Variants in CAPN2 observed in about 807,000 individuals in gnomAD.
CAPN2 encodes calpain-2 catalytic subunit.
Under a neutral mutation model 102.3 loss-of-function variants are expected in CAPN2, and 92 were observed. The ratio of observed to expected loss-of-function variants is 0.90; its 90% confidence interval spans 0.76 to 1.07. CAPN2 has a LOEUF of 1.07. CAPN2 is among the 50% of genes least tolerant of loss of function. CAPN2 has a pLI of 0.00. For missense variants in CAPN2, 800 were observed against 909.4 expected, an observed-to-expected ratio of 0.88 and a Z score of 1.55; for synonymous variants, 340 against 355.4, an observed-to-expected ratio of 0.96 and a Z score of 0.49.
intron 2 of CAPN2, among the ~76,000 whole-genome samples, chr1:223,729,954 A>G (rs1315515094): frequency 1.4e-5 from 2 of 138,112 alleles, no homozygotes; most frequent in Non-Finnish European, 3.1e-5. Flanking sequence ...GTGAGCCAGG[A>G]TTGCACCACT....
chr1:223,719,831 TGC>T (rs957997501), intron 2 of CAPN2, among the ~76,000 whole-genome samples: 136 of 96,780 alleles, frequency 1.4e-3, no homozygotes, highest in African/African-American at 2.4e-3. Context: ...TGTGTGTGTG[TGC>T]GCGCGCGCGC....
chr1:223,751,905 A>T, intron 7 of CAPN2, 92 bp from the exon 8 acceptor site: 1 of 788,048 alleles, frequency 1.3e-6, no homozygotes, highest in Non-Finnish European at 2.1e-6. Flanking sequence ...GAGCCCTCAG[A>T]GGTGAGAGCA....
chr1:223,771,796 C>G lies in CAPN2; in HGVS notation c.1904-13C>G, dbSNP rs16842168. 5.3e-3 allele frequency: 8,201 copies of G among 1,543,094 alleles called. 333 individuals carry two copies. In the African/African-American group the frequency reaches 0.096, roughly 18 times the overall value. ...ATGCTTAGCAATGAGTTTGTTTGTTCATGTAACTTCAGGTTTCAAGATGCC... is the reference window on the plus strand; with the variant it reads ...ATGCTTAGCAATGAGTTTGTTTGTTGATGTAACTTCAGGTTTCAAGATGCC... On this transcript the variant is annotated splice_polypyrimidine_tract_variant and intron_variant, in intron 18 of 20. Transcript: ENST00000295006.
chr1:223,763,103 G>A (rs954851276), intron 14 of CAPN2, among the ~76,000 whole-genome samples: 2 of 151,644 alleles, frequency 1.3e-5, no homozygotes, highest in African/African-American at 2.4e-5. Context: ...AATTACGGGT[G>A]TGAGCCACCA....
At chr1:223,763,924 G>A (rs1661247762) in intron 14 of CAPN2, among the ~76,000 whole-genome samples, 1 of 152,136 alleles carries the variant, frequency 6.6e-6, no homozygotes. Context: ...CAGCCTGGGT[G>A]TTCTAAAAAG....
In CAPN2 at chr1:223,759,177, A is replaced by G. The variant is rs28370113; in HGVS notation, c.1318-93A>G. On this transcript the variant is annotated intron_variant, in intron 11 of 20. Transcript: ENST00000295006. This position sits in a 1 kb window ranked among gnomAD's most constrained non-coding sequence, Gnocchi z 4.6. ...CAGGACAGCAGGACTGAGCCACCAC[A>G]CTACCCAACTGCTTTTATCTCAGTG... The G allele has an allele frequency of 1.1e-3, 1,329 of 1,217,174 alleles. 23 individuals carry two copies. In the African/African-American group the frequency reaches 0.018, roughly 16 times the overall value. 75.4% of individuals were successfully genotyped at this position (1,217,174 alleles called of 1,614,324 possible).
At chr1:223,766,566 T>C (rs1014779308) in intron 16 of CAPN2, 135 bp downstream of exon 16, 11 of 701,690 alleles carry the variant, frequency 1.6e-5, no homozygotes, top group African/African-American at 1.1e-4. Context: ...TGTCGGACAG[T>C]CAGCAGCGCT....
chr1:223,752,280 G>A (rs1041946121), intron 8 of CAPN2, among the ~76,000 whole-genome samples: 1 of 152,158 alleles, frequency 6.6e-6, no homozygotes, highest in Non-Finnish European at 1.5e-5. Context: ...TTGACAATGG[G>A]GTTTATAAGC....
chr1:223,767,200 T>C (rs1320255785), intron 16 of CAPN2, among the ~76,000 whole-genome samples: 2 of 119,990 alleles, frequency 1.7e-5, no homozygotes, highest in African/African-American at 7.3e-5. Flanking sequence ...TTATTTTTTA[T>C]TATTATACTT....
At chr1:223,705,026 G>A (rs1377463295) in intron 1 of CAPN2, among the ~76,000 whole-genome samples, 2 of 152,076 alleles carry the variant, frequency 1.3e-5, no homozygotes, top group Non-Finnish European at 2.9e-5. Flanking sequence ...TACTCCCCCA[G>A]TTCATCCACT....
At chr1:223,749,003 C>T (rs994115934) in intron 5 of CAPN2, 36 bp from the exon 6 acceptor site, 3 of 1,574,316 alleles carry the variant, frequency 1.9e-6, no homozygotes, top group African/African-American at 1.3e-5. Flanking sequence ...GAAGGGAGAG[C>T]GGGTGCGGCC....
chr1:223,766,322 T>A, intron 15 of CAPN2, 45 bp from the exon 16 acceptor site: 1 of 1,435,296 alleles, frequency 7.0e-7, no homozygotes, highest in Middle Eastern at 1.8e-4. Context: ...CAGTTGGACA[T>A]CACCGCTCAG....
At chr1:223,711,238 A>G (rs968628515), upstream of CAPN2, among the ~76,000 whole-genome samples, 2 of 152,312 alleles carry the variant, frequency 1.3e-5, no homozygotes, top group Non-Finnish European at 2.9e-5. Context: ...GACCATGCAC[A>G]GTTTTCCAGT....
chr1:223,751,879 C>A, intron 7 of CAPN2, 118 bp from the exon 8 acceptor site: 1 of 684,106 alleles, frequency 1.5e-6, no homozygotes, highest in Non-Finnish European at 2.6e-6. Context: ...GGCTACTTTC[C>A]CCCTTTCTGG....
chr1:223,765,511 T>C (rs1571818262), intron 15 of CAPN2, among the ~76,000 whole-genome samples: 1 of 151,998 alleles, frequency 6.6e-6, no homozygotes. Flanking sequence ...TCTGCACAGA[T>C]GGAGGGTGGG....
intron 2 of CAPN2, among the ~76,000 whole-genome samples, chr1:223,722,117 G>A (rs1272612788): frequency 6.6e-6 from 1 of 152,018 alleles, no homozygotes; most frequent in Non-Finnish European, 1.5e-5. Flanking sequence ...ACAAACTTGT[G>A]GCCTGTGTTT....
In CAPN2 at chr1:223,749,132, G is replaced by A. The variant is rs768523941; in HGVS notation, c.813+10G>A. 4.3e-5 allele frequency: 70 copies of A among 1,612,540 alleles called. No homozygotes were observed. The highest frequency in any genetic ancestry group is 4.3e-5 in the Non-Finnish European group (51 of 1,178,700). The stretch of plus-strand genomic sequence containing the variant: ...CACCGGAGCCGAGGAGGTAACGGCC[G>A]GCGCGGATGTGCAGGGGTCCTGCTG... On this transcript the variant is annotated intron_variant, in intron 6 of 20. Coordinates refer to ENST00000295006, the MANE Select transcript of CAPN2 (RefSeq NM_001748.5).
At position 223,755,344 on chromosome 1, in the gene CAPN2, C is replaced by A; in HGVS notation, c.1136-136C>A. 1 of 788,022 alleles carries A rather than the reference C, an allele frequency of 1.3e-6. No individual in the cohort carries two copies. The highest frequency in any genetic ancestry group is 2.1e-6 in the Non-Finnish European group (1 of 484,920). 48.8% of individuals were successfully genotyped at this position (788,022 alleles called of 1,614,324 possible). On this transcript the variant is annotated intron_variant, in intron 9 of 20. Coordinates refer to ENST00000295006, the MANE Select transcript of CAPN2 (RefSeq NM_001748.5). The surrounding 1 kb of genome is among the most constrained non-coding windows in gnomAD (Gnocchi z 4.1). ...TCCCACCATCCCCCACCACCTCTTACCATCTCCCACCACCTCCCACCATCT... is the reference window on the plus strand; with the variant it reads ...TCCCACCATCCCCCACCACCTCTTAACATCTCCCACCACCTCCCACCATCT...
intron 2 of CAPN2, among the ~76,000 whole-genome samples, chr1:223,736,371 CAAA>C (rs1488189118): frequency 1.3e-5 from 2 of 152,164 alleles, no homozygotes; most frequent in African/African-American, 4.8e-5. Context: ...TGCCCAGAGA[CAAA>C]AAGATGTGTG....
Sources: allele counts gnomAD v4.1 joint callset (sites outside exome capture counted in the v4.1 genomes callset), GRCh38; gene constraint gnomAD v4.1.1; non-coding constraint Gnocchi (gnomAD v3.1); transcripts MANE v1.5; gene names NCBI Gene and HGNC (gene_info 2026-07-23, HGNC 2026-07-21).